Variants in GPHN observed in about 807,000 individuals in gnomAD.
GPHN encodes gephyrin.
In GPHN, 17 loss-of-function variants were observed where a neutral mutation model predicts 95.5. That is an observed-to-expected ratio of 0.18 (90% CI 0.12 to 0.27). GPHN has a LOEUF of 0.27. GPHN is among the 10% of genes least tolerant of loss of function. The probability of loss-of-function intolerance (pLI) is 1.00; values close to 1 mark genes in which losing one functional copy is unlikely to be tolerated. For synonymous variants in GPHN, 320 were observed against 322.5 expected (o/e 0.99, Z 0.08); for missense variants, 660 against 978.1 (o/e 0.67, Z 4.34).
chr14:66,616,219 A>T (rs1208434333), intron 1 of GPHN, among the ~76,000 whole-genome samples: 1 of 108,836 alleles, frequency 9.2e-6, no homozygotes, highest in East Asian at 3.3e-4. Flanking sequence ...AAATTTAAAG[A>T]TTTTCTAATT....
intron 3 of GPHN, among the ~76,000 whole-genome samples, chr14:66,789,943 T>TA (rs1441489430): frequency 6.6e-6 from 1 of 152,112 alleles, no homozygotes; most frequent in African/African-American, 2.4e-5. Flanking sequence ...TCCCAAAAAA[T>TA]AAAAAACATA....
chr14:66,785,059 C>G (rs1454613103), intron 3 of GPHN, among the ~76,000 whole-genome samples: 1 of 151,932 alleles, frequency 6.6e-6, no homozygotes, highest in Non-Finnish European at 1.5e-5. Context: ...TGTGTGAACA[C>G]AAATTTTAAA....
chr14:67,392,815 G>A, the GPHN span: 1 of 1,613,642 alleles, frequency 6.2e-7, no homozygotes, highest in Non-Finnish European at 8.5e-7. Context: ...TGGCCGTGAA[G>A]CTGTTGGAGA....
At chr14:67,325,983 T>TTTC in the GPHN span, among the ~76,000 whole-genome samples, 1 of 144,760 alleles carries the variant, frequency 6.9e-6, no homozygotes, top group African/African-American at 2.6e-5. Flanking sequence ...TCTTTTCTTT[T>TTTC]TTTTTTTTTT....
At chr14:66,755,490 A>G (rs1199351118) in intron 2 of GPHN, among the ~76,000 whole-genome samples, 2 of 152,038 alleles carry the variant, frequency 1.3e-5, no homozygotes, top group African/African-American at 4.8e-5. Flanking sequence ...TTATTGGCAA[A>G]ATTTCCATAT....
chr14:66,609,542 A>G (rs1181124009), intron 1 of GPHN, among the ~76,000 whole-genome samples: 1 of 152,004 alleles, frequency 6.6e-6, no homozygotes, highest in Non-Finnish European at 1.5e-5. Context: ...ATGTTTTCAA[A>G]GTTGTTTTCT....
chr14:66,697,257 G>A (rs2068161306), intron 2 of GPHN, among the ~76,000 whole-genome samples: 1 of 152,218 alleles, frequency 6.6e-6, no homozygotes. Context: ...ATGATGAATT[G>A]TATTAAACAA....
the GPHN span, among the ~76,000 whole-genome samples, chr14:67,461,465 G>T: frequency 6.6e-6 from 1 of 152,174 alleles, no homozygotes; most frequent in Non-Finnish European, 1.5e-5. Flanking sequence ...GAAAGAGGGT[G>T]GTTGCAATCA....
chr14:67,104,920 A>G (rs2077951116), intron 13 of GPHN, among the ~76,000 whole-genome samples: 1 of 151,680 alleles, frequency 6.6e-6, no homozygotes, highest in Non-Finnish European at 1.5e-5. Flanking sequence ...ATCCCTTGAG[A>G]TATATCACTA....
chr14:67,531,025 T>A, the GPHN span, among the ~76,000 whole-genome samples: 2 of 152,184 alleles, frequency 1.3e-5, no homozygotes, highest in Non-Finnish European at 2.9e-5. Flanking sequence ...TGCCCTAGCA[T>A]ATCCTTCAAC....
the GPHN span, chr14:67,397,687 G>C: frequency 6.2e-7 from 1 of 1,612,944 alleles, no homozygotes; most frequent in Non-Finnish European, 8.5e-7. Flanking sequence ...CTCCAGGCAG[G>C]GGCAGGTGAT....
Position 66,509,099 on chromosome 14 carries a change from G to A in GPHN, c.64+508G>A, listed in dbSNP as rs118029350. 91 of 169,038 alleles carry A rather than the reference G, an allele frequency of 5.4e-4. 1 individual carries two copies. The East Asian group carries it at 0.013, about 24-fold the overall frequency. 10.5% of individuals were successfully genotyped at this position (169,038 alleles called of 1,614,324 possible). A position where few individuals can be genotyped will look rare whatever the true frequency, so the allele number is the denominator to read the frequency against. ...CTGGACGAGACTCAGGTGTTAATCAGATGAAACTGCTCCTCCTCGGGTTGT... is the reference window on the plus strand; with the variant it reads ...CTGGACGAGACTCAGGTGTTAATCAAATGAAACTGCTCCTCCTCGGGTTGT... On this transcript the variant is annotated intron_variant, in intron 1 of 22. Transcript: ENST00000478722.
rs1231122338 is a variant in GPHN at position 67,007,297 on chromosome 14, C to G, written c.964-16336C>G. ...AGTCATGTTTCTGGGCTATGAGTTA[C>G]TGAATTTTGCTTAATTTATTAATGT... is the stretch of plus-strand genomic sequence containing the variant. On this transcript the variant is annotated intron_variant, in intron 9 of 22. Coordinates refer to ENST00000478722, the MANE Select transcript of GPHN (RefSeq NM_020806.5). 2.0e-5 allele frequency among the ~76,000 whole-genome samples: 3 copies of G among 152,146 alleles called. No homozygotes were observed. In the East Asian group the frequency reaches 5.8e-4, roughly 29 times the overall value.
chr14:66,684,231 T>C (rs1258482342), intron 2 of GPHN, among the ~76,000 whole-genome samples: 1 of 152,086 alleles, frequency 6.6e-6, no homozygotes. Context: ...TTAGCCTCAA[T>C]ACTGTTAGAA....
intron 5 of GPHN, among the ~76,000 whole-genome samples, chr14:66,909,981 A>G (rs1378727514): frequency 6.6e-6 from 1 of 151,952 alleles, no homozygotes; most frequent in Non-Finnish European, 1.5e-5. Flanking sequence ...TGTTTATTTC[A>G]TGATGTAGAG....
chr14:67,312,593 G>A, the GPHN span: 1 of 1,613,658 alleles, frequency 6.2e-7, no homozygotes, highest in Non-Finnish European at 8.5e-7. Context: ...TCGAGAGTTA[G>A]GTCTGTCTTT....
intron 8 of GPHN, among the ~76,000 whole-genome samples, chr14:66,949,594 A>G (rs953684487): frequency 6.6e-5 from 10 of 152,216 alleles, no homozygotes; most frequent in Admixed American, 5.9e-4. Context: ...AATTGTAGCT[A>G]TTGAAGCTGT....
At chr14:67,225,103 C>CT in the GPHN span, 1 of 1,527,950 alleles carries the variant, frequency 6.5e-7, no homozygotes, top group Non-Finnish European at 8.8e-7. Flanking sequence ...TATTCTTTTT[C>CT]TTTTTTCCCT....
At chr14:66,621,489 A>C (rs2063301088) in intron 1 of GPHN, among the ~76,000 whole-genome samples, 1 of 150,344 alleles carries the variant, frequency 6.7e-6, no homozygotes, top group Non-Finnish European at 1.5e-5. Context: ...CAATGGCACG[A>C]TCTCAGCTCA....
Sources: gnomAD v4.1 joint callset for allele counts (sites outside exome capture counted in the v4.1 genomes callset) on GRCh38, gnomAD v4.1.1 for gene constraint, MANE v1.5 for transcripts, NCBI Gene and HGNC (gene_info 2026-07-23, HGNC 2026-07-21) for gene names.